LRMDA: variants seen among roughly 807,000 people sequenced by gnomAD.
LRMDA encodes leucine rich melanocyte differentiation associated.
LRMDA carries 18 observed loss-of-function variants against 29.8 expected under a neutral mutation model. The observed-to-expected ratio is 0.60, with a 90% CI of 0.42 to 0.90. The LOEUF (loss-of-function observed/expected upper bound fraction) is 0.90. Ranked by LOEUF, LRMDA falls within the 40% of genes least tolerant of loss-of-function variation. The probability of loss-of-function intolerance (pLI) is 0.00; values close to 1 mark genes in which losing one functional copy is unlikely to be tolerated. For missense variants in LRMDA, 273 were observed against 273.9 expected (o/e 1.00, Z 0.02); for synonymous variants, 125 against 109.4 (o/e 1.14, Z -0.89).
At chr10:76,312,773 G>A (rs1840645531) in intron 5 of LRMDA, among the ~76,000 whole-genome samples, 1 of 151,454 alleles carries the variant, frequency 6.6e-6, no homozygotes, top group South Asian at 2.1e-4. Flanking sequence ...GATCTCAGTA[G>A]TGCTCTTCTG....
Position 76,049,282 on chromosome 10 carries a change from A to G in LRMDA, c.398+1979A>G, listed in dbSNP as rs572030427. On this transcript the variant is annotated intron_variant, in intron 4 of 6. Transcript: ENST00000611255. The stretch of plus-strand genomic sequence containing the variant: ...TGAGTACACATATGACAAAGTTGCC[A>G]TGAGAGGCTAGATTCTAGAGGTCAT... Among the ~76,000 whole-genome samples, 22 of 152,334 alleles carry G rather than the reference A, an allele frequency of 1.4e-4. 2 individuals carry two copies. The South Asian group carries it at 3.5e-3, about 24-fold the overall frequency.
intron 6 of LRMDA, among the ~76,000 whole-genome samples, chr10:76,336,234 T>A (rs1237843177): frequency 6.9e-6 from 1 of 145,686 alleles, no homozygotes; most frequent in Non-Finnish European, 1.5e-5. Context: ...CTGGGTTCTC[T>A]ATGTCAGTGC....
intron 6 of LRMDA, among the ~76,000 whole-genome samples, chr10:76,547,579 A>G (rs1413611724): frequency 2.0e-5 from 3 of 152,110 alleles, no homozygotes; most frequent in Non-Finnish European, 4.4e-5. Flanking sequence ...TCCCGACTTC[A>G]GCTAGAAGGT....
chr10:76,240,182 A>G, intron 5 of LRMDA, among the ~76,000 whole-genome samples: 1 of 150,062 alleles, frequency 6.7e-6, no homozygotes, highest in African/African-American at 2.5e-5. Context: ...AATCGCATAC[A>G]CACACACACA....
At chr10:75,636,755 T>G (rs967532191) in intron 2 of LRMDA, among the ~76,000 whole-genome samples, 28 of 152,334 alleles carry the variant, frequency 1.8e-4, no homozygotes, top group African/African-American at 6.5e-4. Context: ...CCACCTGCAG[T>G]TTAGCTACTC....
rs1589200497 is a variant in LRMDA at position 75,604,514 on chromosome 10, T to C, written c.131+166020T>C. ...AGAGTTCCCGGCAACTGTTCTGAAG[T>C]TTATCCTTGAATGAGTCCTGGGGAA... On this transcript the variant is annotated intron_variant, in intron 2 of 6. Transcript: ENST00000611255. Among the ~76,000 whole-genome samples the C allele has an allele frequency of 2.6e-5, 4 of 152,206 alleles. No individual in the cohort carries two copies. The South Asian group carries it at 8.3e-4, about 32-fold the overall frequency.
intron 5 of LRMDA, among the ~76,000 whole-genome samples, chr10:76,106,414 C>G (rs1417282660): frequency 6.6e-6 from 1 of 152,166 alleles, no homozygotes; most frequent in Admixed American, 6.5e-5. Context: ...AATGAACTCA[C>G]AAATTATTGG....
chr10:76,210,843 C>T (rs1400517992), intron 5 of LRMDA, among the ~76,000 whole-genome samples: 3 of 152,200 alleles, frequency 2.0e-5, no homozygotes, highest in African/African-American at 7.2e-5. Flanking sequence ...ACATCAGGGA[C>T]TCCACTGCGT....
intron 2 of LRMDA, among the ~76,000 whole-genome samples, chr10:75,512,357 ATTTT>A (rs56982317): frequency 6.9e-6 from 1 of 145,186 alleles, no homozygotes; most frequent in Non-Finnish European, 1.5e-5. Context: ...GTGAGCTGTT[ATTTT>A]TTTTTTTTCC....
chr10:75,613,891 GTTA>G (rs1841066549), intron 2 of LRMDA, among the ~76,000 whole-genome samples: 1 of 152,170 alleles, frequency 6.6e-6, no homozygotes, highest in African/African-American at 2.4e-5. Context: ...CCTGAGCTTT[GTTA>G]TTGACACCAT....
chr10:76,002,323 A>G (rs1239864408), intron 2 of LRMDA, among the ~76,000 whole-genome samples: 3 of 152,150 alleles, frequency 2.0e-5, no homozygotes, highest in African/African-American at 7.2e-5. Flanking sequence ...CTACTGTCAC[A>G]TTGAGGGCTA....
chr10:75,906,531 T>C (rs1845761762), intron 2 of LRMDA, among the ~76,000 whole-genome samples: 2 of 152,186 alleles, frequency 1.3e-5, no homozygotes, highest in African/African-American at 4.8e-5. Context: ...ATTAATAGGC[T>C]GGGATTAACG....
chr10:76,135,847 T>G (rs1850085060), intron 5 of LRMDA, among the ~76,000 whole-genome samples: 1 of 152,112 alleles, frequency 6.6e-6, no homozygotes, highest in African/African-American at 2.4e-5. Context: ...ATTGATCATC[T>G]GCAAAGGCCC....
chr10:76,538,025 A>T (rs1843309198), intron 6 of LRMDA, among the ~76,000 whole-genome samples: 1 of 152,222 alleles, frequency 6.6e-6, no homozygotes, highest in Non-Finnish European at 1.5e-5. Context: ...GAATATATTC[A>T]GGCATGTAGT....
chr10:75,885,471 A>T (rs10824347), intron 2 of LRMDA, among the ~76,000 whole-genome samples: 35,164 of 152,162 alleles, frequency 0.23, 4,411 homozygotes, highest in Middle Eastern at 0.46. Context: ...CAGCTTAAGC[A>T]TGACATGTTC....
intron 5 of LRMDA, among the ~76,000 whole-genome samples, chr10:76,287,362 T>G (rs1307014807): frequency 3.3e-5 from 5 of 152,128 alleles, no homozygotes; most frequent in African/African-American, 4.8e-5. Flanking sequence ...CACTCTAGAT[T>G]CCACAAAGAT....
intron 2 of LRMDA, among the ~76,000 whole-genome samples, chr10:75,755,676 A>G (rs1843022920): frequency 6.6e-6 from 1 of 152,264 alleles, no homozygotes; most frequent in East Asian, 1.9e-4. Flanking sequence ...AGCAAGATTC[A>G]GGCCAAGAAA....
intron 5 of LRMDA, among the ~76,000 whole-genome samples, chr10:76,257,357 A>G (rs1852615083): frequency 6.7e-6 from 1 of 150,078 alleles, no homozygotes; most frequent in Admixed American, 6.6e-5. Flanking sequence ...TTTTGAGACA[A>G]AGTCTCACTC....
At chr10:76,311,947 T>C (rs1306122836) in intron 5 of LRMDA, among the ~76,000 whole-genome samples, 1 of 152,090 alleles carries the variant, frequency 6.6e-6, no homozygotes, top group Non-Finnish European at 1.5e-5. Context: ...CATAACAGGG[T>C]ATTGATGTCC....
Sources: allele counts gnomAD v4.1 joint callset (sites outside exome capture counted in the v4.1 genomes callset), GRCh38; gene constraint gnomAD v4.1.1; transcripts MANE v1.5; gene names NCBI Gene and HGNC (gene_info 2026-07-23, HGNC 2026-07-21).